The following GBE1 variants were observed in gnomAD, a reference collection of about 807,000 sequenced individuals.
GBE1 encodes 1,4-alpha-glucan branching enzyme 1.
GBE1 carries 70 observed loss-of-function variants against 88.8 expected under a neutral mutation model. The ratio of observed to expected loss-of-function variants is 0.79; its 90% CI spans 0.65 to 0.96. The LOEUF (loss-of-function observed/expected upper bound fraction) is 0.96, where lower values mean the gene tolerates loss of function less well. Ranked by LOEUF, GBE1 falls within the 40% of genes least tolerant of loss-of-function variation. GBE1 has a pLI of 0.00. For missense variants in GBE1, 872 were observed against 871.0 expected (o/e 1.00, Z -0.01); for synonymous variants, 284 against 300.1 (o/e 0.95, Z 0.56).
intron 5 of GBE1, 48 bp downstream of exon 5, chr3:81,648,808 C>A: frequency 2.6e-6 from 3 of 1,165,698 alleles, no homozygotes; most frequent in Non-Finnish European, 3.5e-6. Flanking sequence ...AATAAGAGAA[C>A]AGACTCATTA....
chr3:81,512,197 C>T (rs922537017), intron 14 of GBE1, among the ~76,000 whole-genome samples: 2 of 151,506 alleles, frequency 1.3e-5, no homozygotes, highest in South Asian at 2.1e-4. Flanking sequence ...TTACTAGAGC[C>T]GGGAGAGTGG....
intron 12 of GBE1, among the ~76,000 whole-genome samples, chr3:81,576,349 T>C (rs892907591): frequency 6.6e-6 from 1 of 152,188 alleles, no homozygotes; most frequent in Non-Finnish European, 1.5e-5. Context: ...AGTTATCATC[T>C]TCTATTTTAT....
intron 7 of GBE1, among the ~76,000 whole-genome samples, chr3:81,612,068 A>C (rs570413177): frequency 5.3e-5 from 8 of 152,198 alleles, no homozygotes; most frequent in Admixed American, 3.3e-4. Flanking sequence ...CAGTGGTGGG[A>C]AGAAACAAAC....
At chr3:81,660,985 C>T (rs1354477180) in intron 3 of GBE1, among the ~76,000 whole-genome samples, 1 of 151,866 alleles carries the variant, frequency 6.6e-6, no homozygotes, top group Non-Finnish European at 1.5e-5. Flanking sequence ...ATAATGCCCA[C>T]CTAAACAGTC....
intron 7 of GBE1, among the ~76,000 whole-genome samples, chr3:81,603,181 C>T (rs1321295640): frequency 1.3e-5 from 2 of 152,144 alleles, no homozygotes; most frequent in South Asian, 2.1e-4. Context: ...AATGTAAAAG[C>T]CTGTCAAGCA....
At chr3:81,569,167 G>A (rs970421210) in intron 12 of GBE1, among the ~76,000 whole-genome samples, 3 of 151,928 alleles carry the variant, frequency 2.0e-5, no homozygotes, top group Non-Finnish European at 4.4e-5. Flanking sequence ...AATTACATTT[G>A]AAAACTAATT....
rs969750555 is a variant in GBE1 at position 81,761,628 on chromosome 3, G to C, written c.-111C>G. On this transcript the variant is annotated 5_prime_UTR_variant, in exon 1 of 16. Coordinates refer to ENST00000429644, the MANE Select transcript of GBE1 (RefSeq NM_000158.4). ...TAGGGCGGAGCCGGAGGGCGCCTAGGCGTGTCGAGGCAAGCCGAGGCGAGC... is the reference window on the plus strand; with the variant it reads ...TAGGGCGGAGCCGGAGGGCGCCTAGCCGTGTCGAGGCAAGCCGAGGCGAGC... 3 of 1,363,528 alleles carry C rather than the reference G, an allele frequency of 2.2e-6. No homozygotes were observed. The African/African-American group carries it at 4.5e-5, about 20-fold the overall frequency. 84.5% of individuals were successfully genotyped at this position (1,363,528 alleles called of 1,614,324 possible).
At chr3:81,673,427 T>C (rs758917831) in intron 2 of GBE1, among the ~76,000 whole-genome samples, 11 of 151,850 alleles carry the variant, frequency 7.2e-5, no homozygotes, top group Non-Finnish European at 7.4e-5. Context: ...TGAGTTATAA[T>C]AGACCAATAT....
intron 15 of GBE1, among the ~76,000 whole-genome samples, chr3:81,498,692 G>A (rs1702546386): frequency 6.6e-6 from 1 of 152,016 alleles, no homozygotes. Context: ...CTCCTTTAAG[G>A]TGTTTTAAAT....
At chr3:81,721,301 C>G (rs1706032186) in intron 1 of GBE1, among the ~76,000 whole-genome samples, 1 of 142,338 alleles carries the variant, frequency 7.0e-6, no homozygotes, top group Non-Finnish European at 1.5e-5. Flanking sequence ...ACAACTAAAT[C>G]TGTGTGCTAA....
chr3:81,728,900 AC>A (rs922933470), intron 1 of GBE1, among the ~76,000 whole-genome samples: 10 of 142,072 alleles, frequency 7.0e-5, no homozygotes, highest in East Asian at 2.1e-4. Context: ...CTCCAAATTC[AC>A]CCCCCCTTTT....
chr3:81,619,344 T>C lies in GBE1; in HGVS notation c.992+23437A>G, dbSNP rs184187682. Reference sequence around the variant, plus strand: ...ATAATCTACCATTTTCTCACTTAGATGGAACAAAATGGTTTTATGGTCTTC... The same window carrying C: ...ATAATCTACCATTTTCTCACTTAGACGGAACAAAATGGTTTTATGGTCTTC... On this transcript the variant is annotated intron_variant, in intron 7 of 15. Coordinates refer to ENST00000429644, the MANE Select transcript of GBE1 (RefSeq NM_000158.4). Among the ~76,000 whole-genome samples the C allele has an allele frequency of 4.5e-3, 690 of 152,262 alleles. 4 individuals carry two copies. The highest frequency in any genetic ancestry group is 0.016 in the African/African-American group (659 of 41,578).
chr3:81,531,802 C>A (rs1703014311), intron 14 of GBE1, among the ~76,000 whole-genome samples: 1 of 152,090 alleles, frequency 6.6e-6, no homozygotes, highest in Non-Finnish European at 1.5e-5. Flanking sequence ...TTAGGAACTG[C>A]AGTCCTTGTG....
intron 1 of GBE1, among the ~76,000 whole-genome samples, chr3:81,742,337 C>A (rs1405726920): frequency 6.6e-6 from 1 of 151,942 alleles, no homozygotes; most frequent in Non-Finnish European, 1.5e-5. Flanking sequence ...TACTGCTGTT[C>A]AGGAAAATGC....
At chr3:81,521,459 T>C (rs1312727238) in intron 14 of GBE1, among the ~76,000 whole-genome samples, 2 of 151,674 alleles carry the variant, frequency 1.3e-5, no homozygotes, top group African/African-American at 4.8e-5. Context: ...AATATACCAT[T>C]GAAATCCTAA....
intron 3 of GBE1, among the ~76,000 whole-genome samples, chr3:81,654,300 C>T (rs1202705902): frequency 6.6e-6 from 1 of 151,744 alleles, no homozygotes; most frequent in African/African-American, 2.4e-5. Flanking sequence ...ATATAAAAAA[C>T]AGTAAATGTT....
intron 12 of GBE1, among the ~76,000 whole-genome samples, chr3:81,570,543 T>A (rs1019408752): frequency 1.3e-5 from 2 of 152,220 alleles, no homozygotes; most frequent in Non-Finnish European, 2.9e-5. Context: ...AAGTGCATGA[T>A]CTTTATAATT....
chr3:81,747,882 T>G, intron 1 of GBE1, among the ~76,000 whole-genome samples: 1 of 152,172 alleles, frequency 6.6e-6, no homozygotes, highest in East Asian at 1.9e-4. Context: ...CTCCCTTCGC[T>G]GACTCTCTTT....
chr3:81,494,477 T>C (rs1702476925), intron 15 of GBE1, among the ~76,000 whole-genome samples: 1 of 152,178 alleles, frequency 6.6e-6, no homozygotes, highest in Non-Finnish European at 1.5e-5. Context: ...TTAAACACAA[T>C]CATTTAAGTA....
Sources: gnomAD v4.1 joint callset for allele counts (sites outside exome capture counted in the v4.1 genomes callset) on GRCh38, gnomAD v4.1.1 for gene constraint, MANE v1.5 for transcripts, NCBI Gene and HGNC (gene_info 2026-07-23, HGNC 2026-07-21) for gene names.